Variants in TMCC1 observed in about 807,000 individuals in gnomAD.
The protein encoded by TMCC1 is transmembrane and coiled-coil domain family 1, also known as transmembrane and coiled-coil domains protein 1.
In TMCC1, 15 loss-of-function variants were observed where a neutral mutation model predicts 52.4. That is an observed-to-expected ratio of 0.29 (90% CI 0.19 to 0.44). The LOEUF is 0.44. Among genes scored for constraint, TMCC1 ranks in the 20% least tolerant of loss-of-function variants. The pLI, the probability that TMCC1 is intolerant of heterozygous loss-of-function variation, is 1.00. For missense variants in TMCC1, 503 were observed against 806.0 expected (o/e 0.62, Z 4.55); for synonymous variants, 279 against 301.9 (o/e 0.92, Z 0.79).
At position 129,763,152 on chromosome 3, in the gene TMCC1, C is replaced by G. The variant is rs568034198; in HGVS notation, c.576+64651G>C. Among the ~76,000 whole-genome samples the G allele has an allele frequency of 1.3e-4, 19 of 149,446 alleles. No homozygotes were observed. In the East Asian group the frequency reaches 1.8e-3, roughly 14 times the overall value. On this transcript the variant is annotated intron_variant, in intron 4 of 6. Transcript: ENST00000393238. ...GGCGGAGCTTGCAGTGAGCCGAGATCGCGCCACTGCACTCCAGCCTGGGTG... is the reference window on the plus strand; with the variant it reads ...GGCGGAGCTTGCAGTGAGCCGAGATGGCGCCACTGCACTCCAGCCTGGGTG...
At chr3:129,757,543 G>A (rs1425884282) in intron 4 of TMCC1, among the ~76,000 whole-genome samples, 1 of 152,162 alleles carries the variant, frequency 6.6e-6, no homozygotes, top group Non-Finnish European at 1.5e-5. Context: ...GGAATCGGCT[G>A]GGCATGGTTG....
At chr3:129,831,137 T>C (rs1229926339) in intron 3 of TMCC1, among the ~76,000 whole-genome samples, 1 of 152,120 alleles carries the variant, frequency 6.6e-6, no homozygotes, top group African/African-American at 2.4e-5. Context: ...TTTCACCATG[T>C]TGGCCAGGCT....
At position 129,873,631 on chromosome 3, in the gene TMCC1, G is replaced by A. The variant is rs376217509; in HGVS notation, c.-184+6678C>T. Among the ~76,000 whole-genome samples the A allele has an allele frequency of 4.6e-5, 7 of 152,172 alleles. No homozygotes were observed. The East Asian group carries it at 1.4e-3, about 29-fold the overall frequency. ...GGAGGTCAAGGCTGCAGTTAGCTAC[G>A]ATCACACGCACCACTACACACCAGC... On this transcript the variant is annotated intron_variant, in intron 2 of 6. Transcript: ENST00000393238.
intron 4 of TMCC1, among the ~76,000 whole-genome samples, chr3:129,748,923 A>T (rs1446982984): frequency 3.3e-5 from 5 of 152,000 alleles, no homozygotes; most frequent in Non-Finnish European, 5.9e-5. Context: ...AACCCGGGAG[A>T]AGGAGGCACA....
chr3:129,718,491 C>T (rs2049282712), intron 4 of TMCC1, among the ~76,000 whole-genome samples: 1 of 152,172 alleles, frequency 6.6e-6, no homozygotes, highest in African/African-American at 2.4e-5. Flanking sequence ...TAGTACAATA[C>T]TGTAAACCTC....
At chr3:129,829,817 A>C (rs1223589612) in intron 3 of TMCC1, among the ~76,000 whole-genome samples, 10 of 152,218 alleles carry the variant, frequency 6.6e-5, no homozygotes. Context: ...CAAGGCTACT[A>C]GAGTTTAGTG....
rs377025999 is a variant in TMCC1, at chr3:129,745,216, C to T, written c.577-73952G>A. 5.8e-4 allele frequency among the ~76,000 whole-genome samples: 88 copies of T among 152,298 alleles called. 2 individuals carry two copies. In the South Asian group the frequency reaches 0.017, roughly 30 times the overall value. ...TACAAAAACAAAGAGAAAAAAACTT[C>T]GTTACAATTTTAAACATGCACTCAC... On this transcript the variant is annotated intron_variant, in intron 4 of 6. Coordinates refer to ENST00000393238, the MANE Select transcript of TMCC1 (RefSeq NM_001017395.5).
chr3:129,693,232 AT>A (rs1202167406), intron 4 of TMCC1, among the ~76,000 whole-genome samples: 1 of 152,122 alleles, frequency 6.6e-6, no homozygotes, highest in Non-Finnish European at 1.5e-5. Context: ...GATGATTCTT[AT>A]TTGTGTATAA....
In TMCC1 at chr3:129,651,467, C is replaced by A; in HGVS notation, c.*14G>T. On this transcript the variant is annotated 3_prime_UTR_variant, in exon 7 of 7. Coordinates refer to ENST00000393238, the MANE Select transcript of TMCC1 (RefSeq NM_001017395.5). The surrounding 1 kb of genome is among the most constrained non-coding windows in gnomAD (Gnocchi z 5.1). ...CTCGCCAGAGGGTAGGGAACAATGC[C>A]TTCTGTGCCAGCATCATCTAGGGGA... 1 of 1,608,926 alleles carries A rather than the reference C, an allele frequency of 6.2e-7. No homozygotes were observed. The highest frequency in any genetic ancestry group is 8.5e-7 in the Non-Finnish European group (1 of 1,176,590).
At chr3:129,749,296 T>TA in intron 4 of TMCC1, among the ~76,000 whole-genome samples, 1 of 152,172 alleles carries the variant, frequency 6.6e-6, no homozygotes, top group Non-Finnish European at 1.5e-5. Flanking sequence ...TGATATCATA[T>TA]AAAAAACTCC....
At chr3:129,664,122 C>T (rs575875570) in intron 5 of TMCC1, among the ~76,000 whole-genome samples, 1 of 152,258 alleles carries the variant, frequency 6.6e-6, no homozygotes, top group East Asian at 1.9e-4. Flanking sequence ...CGTCATATTT[C>T]CTAATTGGGA....
chr3:129,875,502 A>AC (rs1389241806), intron 2 of TMCC1, among the ~76,000 whole-genome samples: 1 of 150,214 alleles, frequency 6.7e-6, no homozygotes, highest in East Asian at 1.9e-4. Flanking sequence ...AAAAAAAAAA[A>AC]AAAAAAAAAA....
At chr3:129,665,655 TA>T in intron 5 of TMCC1, among the ~76,000 whole-genome samples, 1 of 152,286 alleles carries the variant, frequency 6.6e-6, no homozygotes, top group Admixed American at 6.5e-5. Flanking sequence ...TTCAGAGAGC[TA>T]GGCTTTCAAC....
chr3:129,799,118 A>T (rs148137086), intron 4 of TMCC1, among the ~76,000 whole-genome samples: 157 of 152,318 alleles, frequency 1.0e-3, no homozygotes, highest in African/African-American at 3.4e-3. Flanking sequence ...CATATACAAT[A>T]CCTTAACTTG....
rs1005993054 is a variant in TMCC1 at position 129,883,132 on chromosome 3, C to A, written c.-434-2573G>T. Among the ~76,000 whole-genome samples the A allele has an allele frequency of 7.5e-4, 62 of 82,382 alleles. 2 individuals carry two copies. The highest frequency in any genetic ancestry group is 9.4e-4 in the East Asian group (1 of 1,066). 54.0% of individuals were successfully genotyped at this position (82,382 alleles called of 152,430 possible). ...GGTGAAACCCTGCCTCTACTAAAAA[C>A]ACACACACACACACACACACACACA... On this transcript the variant is annotated intron_variant, in intron 1 of 6. Transcript: ENST00000393238.
intron 1 of TMCC1, among the ~76,000 whole-genome samples, chr3:129,881,307 A>C (rs1023063609): frequency 1.3e-5 from 2 of 152,220 alleles, no homozygotes; most frequent in Non-Finnish European, 2.9e-5. Flanking sequence ...CTCTCTGATA[A>C]TAGTAAAGAA....
At chr3:129,855,421 A>G (rs2060108430) in intron 2 of TMCC1, among the ~76,000 whole-genome samples, 1 of 152,156 alleles carries the variant, frequency 6.6e-6, no homozygotes, top group South Asian at 2.1e-4. Context: ...CCCAAGATAA[A>G]CCACTGAAAA....
intron 2 of TMCC1, among the ~76,000 whole-genome samples, chr3:129,876,499 T>C (rs1452955820): frequency 6.6e-6 from 1 of 151,652 alleles, no homozygotes; most frequent in Non-Finnish European, 1.5e-5. Flanking sequence ...AAGACATGAA[T>C]CAAAAATAAA....
chr3:129,861,857 T>C (rs946494940), intron 2 of TMCC1, among the ~76,000 whole-genome samples: 13 of 152,356 alleles, frequency 8.5e-5, no homozygotes, highest in Admixed American at 6.5e-4. Flanking sequence ...TTCCTAGCAA[T>C]TCCATTTCTA....
Sources: gnomAD v4.1 joint callset for allele counts (sites outside exome capture counted in the v4.1 genomes callset) on GRCh38, gnomAD v4.1.1 for gene constraint, Gnocchi (gnomAD v3.1) non-coding constraint, MANE v1.5 for transcripts, NCBI Gene and HGNC (gene_info 2026-07-23, HGNC 2026-07-21) for gene names.